Variants in TMC5 observed in about 807,000 individuals in gnomAD.
TMC5 encodes the protein transmembrane channel-like protein 5.
In TMC5, 86 loss-of-function variants were observed where a neutral mutation model predicts 110.5. The observed-to-expected ratio is 0.78, with a 90% CI of 0.65 to 0.93. The LOEUF (loss-of-function observed/expected upper bound fraction) is 0.93. Among genes scored for constraint, TMC5 ranks in the 40% least tolerant of loss-of-function variants. The pLI, the probability that TMC5 is intolerant of heterozygous loss-of-function variation, is 0.00. For synonymous variants in TMC5, 455 were observed against 439.5 expected, an observed-to-expected ratio of 1.04 and a Z score of -0.44; for missense variants, 1,144 against 1,222.8, an observed-to-expected ratio of 0.94 and a Z score of 0.96.
chr16:19,460,379 C>A, intron 6 of TMC5, 45 bp downstream of exon 6: 4 of 1,328,970 alleles, frequency 3.0e-6, no homozygotes, highest in Non-Finnish European at 3.2e-6. Context: ...TCATGCGAAC[C>A]TCAATCCTCT....
chr16:19,446,522 A>G (rs1437117540), intron 4 of TMC5, among the ~76,000 whole-genome samples: 1 of 152,172 alleles, frequency 6.6e-6, no homozygotes, highest in African/African-American at 2.4e-5. Flanking sequence ...CCAGCACTTG[A>G]CTTTTATTAT....
At chr16:19,432,445 T>C (rs1017800499) in intron 2 of TMC5, among the ~76,000 whole-genome samples, 21 of 152,310 alleles carry the variant, frequency 1.4e-4, no homozygotes, top group Non-Finnish European at 8.8e-5. Context: ...ACCCTCTTTG[T>C]GCTTTTTCCA....
Position 19,440,632 on chromosome 16 carries a change from C to A in TMC5, c.594C>A (p.Tyr198Ter), listed in dbSNP as rs144612537. ...LEHTSFRINP[Y>*]ADSLGKPDYP... ...ATACAAGTTTTAGAATCAATCCATACGCAGACTCTCTGGGAAAGCCTGATT... is the reference window on the plus strand; with the variant it reads ...ATACAAGTTTTAGAATCAATCCATAAGCAGACTCTCTGGGAAAGCCTGATT... Residue 198 changes from tyrosine to a stop codon, truncating the protein, a stop_gained, in exon 3 of 22, where the codon TAC (tyrosine) becomes TAA (stop). Transcript: ENST00000542583. LOFTEE classifies it high-confidence loss of function. 3 of 1,614,066 alleles carry A rather than the reference C, an allele frequency of 1.9e-6. No individual in the cohort carries two copies. Among genetic ancestry groups the A allele is most frequent in the Admixed American group, 1.7e-5 (1 of 59,994 alleles).
chr16:19,457,068 C>T (rs754572883), intron 5 of TMC5: 66 of 1,465,630 alleles, frequency 4.5e-5, no homozygotes, highest in Middle Eastern at 1.8e-4. Context: ...AAGGCTTCCT[C>T]GTTGTCCACA....
At chr16:19,484,470 C>T (rs894000073) in intron 15 of TMC5, among the ~76,000 whole-genome samples, 2 of 152,016 alleles carry the variant, frequency 1.3e-5, no homozygotes, top group African/African-American at 2.4e-5. Context: ...ACAGGGTTTT[C>T]GAGGGGATTA....
intron 10 of TMC5, among the ~76,000 whole-genome samples, chr16:19,470,122 C>T (rs1968297383): frequency 6.6e-6 from 1 of 151,520 alleles, no homozygotes. Flanking sequence ...TCTCAATCTC[C>T]TGACCTCGTG....
intron 2 of TMC5, among the ~76,000 whole-genome samples, chr16:19,439,338 C>T (rs1567302705): frequency 6.6e-6 from 1 of 152,156 alleles, no homozygotes; most frequent in Non-Finnish European, 1.5e-5. Flanking sequence ...CTTTTATGCA[C>T]TTATATTAAT....
intron 3 of TMC5, among the ~76,000 whole-genome samples, chr16:19,441,718 A>G (rs1967494414): frequency 6.6e-6 from 1 of 152,210 alleles, no homozygotes; most frequent in African/African-American, 2.4e-5. Context: ...ATTTTAATCT[A>G]ATTTTATCAA....
In TMC5 at chr16:19,497,108, T is replaced by G. The variant is rs1363093068; in HGVS notation, c.2932-13T>G. The G allele has an allele frequency of 6.2e-7, 1 of 1,614,010 alleles. No homozygotes were observed. The highest frequency in any genetic ancestry group is 8.5e-7 in the Non-Finnish European group (1 of 1,179,970). On this transcript the variant is annotated splice_polypyrimidine_tract_variant and intron_variant, in intron 20 of 21. Transcript: ENST00000542583. The stretch of plus-strand genomic sequence containing the variant: ...TCCTCCGTGACGTGGCTGCTTGTTT[T>G]TTTCTTTTTCAGCAACAAGGCTTTT...
At chr16:19,417,025 C>T (rs956438332), upstream of TMC5, among the ~76,000 whole-genome samples, 3 of 123,030 alleles carry the variant, frequency 2.4e-5, no homozygotes, top group African/African-American at 3.2e-5. Flanking sequence ...ACCTGGGAGG[C>T]GGAGGTTGCA....
chr16:19,446,569 C>G (rs1284210629), intron 4 of TMC5, among the ~76,000 whole-genome samples: 1 of 152,234 alleles, frequency 6.6e-6, no homozygotes, highest in Non-Finnish European at 1.5e-5. Context: ...CAGGCAGGCA[C>G]TGCCACTCTC....
chr16:19,488,318 T>C (rs1968802909), intron 17 of TMC5, among the ~76,000 whole-genome samples: 1 of 152,160 alleles, frequency 6.6e-6, no homozygotes, highest in Admixed American at 6.5e-5. Flanking sequence ...GCATCCTAGT[T>C]TGATCACCAC....
intron 5 of TMC5, among the ~76,000 whole-genome samples, chr16:19,459,045 CTT>C (rs570759406): frequency 3.5e-5 from 5 of 143,108 alleles, no homozygotes; most frequent in Admixed American, 7.1e-5. Flanking sequence ...TTGTTTTTTG[CTT>C]TTTTTTTTTT....
chr16:19,460,169 C>T (rs1967985136), intron 5 of TMC5, 66 bp from the exon 6 acceptor site: 2 of 1,280,932 alleles, frequency 1.6e-6, no homozygotes, highest in Admixed American at 3.8e-5. Context: ...GACTTCAGCA[C>T]CACATTTCAG....
chr16:19,492,915 G>GATATATATATATATATATATATATATAT (rs772226428), intron 19 of TMC5, among the ~76,000 whole-genome samples: 1 of 42,752 alleles, frequency 2.3e-5, no homozygotes, highest in East Asian at 3.6e-4. Context: ...TTAAAACTTA[G>GATATATATATATATATATATATATATAT]ATATATATAT....
Position 19,498,092 on chromosome 16 carries a change from G to T in TMC5, c.*126G>T. 1 of 869,196 alleles carries T rather than the reference G, an allele frequency of 1.2e-6. No individual in the cohort carries two copies. The highest frequency in any genetic ancestry group is 1.9e-6 in the Non-Finnish European group (1 of 528,378). The allele number at this position is 869,196 out of a possible 1,614,324, so 53.8% of individuals were successfully genotyped here. A position where few individuals can be genotyped will look rare whatever the true frequency, so the allele number is the denominator to read the frequency against. ...AAATCCAAGGCTTTAGCCAGGAGCG[G>T]AAACTGACTACCATGTAATTATCAA... On this transcript the variant is annotated 3_prime_UTR_variant, in exon 22 of 22. Transcript: ENST00000542583.
Position 19,460,185 on chromosome 16 carries a change from C to T in TMC5, c.1049-50C>T, listed in dbSNP as rs531885272. 89 of 1,440,036 alleles carry T rather than the reference C, an allele frequency of 6.2e-5. 1 individual carries two copies. In the East Asian group the frequency reaches 7.9e-4, roughly 13 times the overall value. 89.2% of individuals were successfully genotyped at this position (1,440,036 alleles called of 1,614,324 possible). On this transcript the variant is annotated intron_variant, in intron 5 of 21. Coordinates refer to ENST00000542583, the MANE Select transcript of TMC5 (RefSeq NM_001261841.2). ...ACTTCAGCACCACATTTCAGTGTTA[C>T]GATTCTGTTAAAGAAAAAAGAAATT...
At chr16:19,494,874 G>A (rs182547285) in intron 20 of TMC5, among the ~76,000 whole-genome samples, 14 of 151,968 alleles carry the variant, frequency 9.2e-5, no homozygotes, top group African/African-American at 2.4e-4. Flanking sequence ...CTGGGGTTAC[G>A]GTGAACAAAA....
At chr16:19,462,382 G>A (rs1005385483) in intron 6 of TMC5, 6 of 576,308 alleles carry the variant, frequency 1.0e-5, no homozygotes, top group Admixed American at 8.0e-5. Flanking sequence ...ATTGTGTGGG[G>A]GCAAAATCCC....
Sources: gnomAD v4.1 joint callset for allele counts (sites outside exome capture counted in the v4.1 genomes callset) on GRCh38, gnomAD v4.1.1 for gene constraint, MANE v1.5 for transcripts, NCBI Gene and HGNC (gene_info 2026-07-23, HGNC 2026-07-21) for gene names.